Variants in HIPK2 observed in about 807,000 individuals in gnomAD.
HIPK2 encodes the protein homeodomain-interacting protein kinase 2.
HIPK2 carries 27 observed loss-of-function variants against 113.7 expected under a neutral mutation model. The ratio of observed to expected loss-of-function variants is 0.24; its 90% CI spans 0.17 to 0.33. The LOEUF is 0.33. Ranked by LOEUF, HIPK2 falls within the 10% of genes least tolerant of loss-of-function variation. The pLI, the probability that HIPK2 is intolerant of heterozygous loss-of-function variation, is 1.00. For missense variants in HIPK2, 1,257 were observed against 1,588.0 expected, an observed-to-expected ratio of 0.79 and a Z score of 3.54; for synonymous variants, 631 against 642.2, an observed-to-expected ratio of 0.98 and a Z score of 0.26.
At chr7:139,746,484 T>A (rs192488897) in intron 1 of HIPK2, among the ~76,000 whole-genome samples, 17 of 152,368 alleles carry the variant, frequency 1.1e-4, no homozygotes, top group African/African-American at 3.4e-4. Context: ...AGACAGCGAC[T>A]GTGCTGAAGT....
chr7:139,590,870 G>A (rs1304366725), intron 12 of HIPK2, among the ~76,000 whole-genome samples: 2 of 152,012 alleles, frequency 1.3e-5, no homozygotes, highest in East Asian at 3.9e-4. Context: ...TTAGAGACAG[G>A]GTCTCACTCT....
chr7:139,600,799 G>T (rs1799397882), intron 10 of HIPK2, among the ~76,000 whole-genome samples: 1 of 152,198 alleles, frequency 6.6e-6, no homozygotes, highest in Admixed American at 6.5e-5. Context: ...AAACATAACT[G>T]GCTGTGAGTG....
intron 6 of HIPK2, among the ~76,000 whole-genome samples, chr7:139,623,791 C>T (rs1800326695): frequency 6.6e-6 from 1 of 152,152 alleles, no homozygotes. Context: ...CCAGCCCCCT[C>T]TGACTCTGGA....
At chr7:139,673,380 CAGG>C (rs1802374409) in intron 2 of HIPK2, among the ~76,000 whole-genome samples, 1 of 152,212 alleles carries the variant, frequency 6.6e-6, no homozygotes, top group Admixed American at 6.5e-5. Flanking sequence ...CTCTCTCTTA[CAGG>C]AGACCAGCCT....
intron 13 of HIPK2, among the ~76,000 whole-genome samples, chr7:139,580,112 G>A (rs1229047738): frequency 6.6e-6 from 1 of 152,232 alleles, no homozygotes; most frequent in Non-Finnish European, 1.5e-5. Context: ...GCCTTCTGCA[G>A]CCACAATGTG....
intron 1 of HIPK2, among the ~76,000 whole-genome samples, chr7:139,756,771 T>A (rs1796369769): frequency 6.6e-6 from 1 of 152,184 alleles, no homozygotes. Context: ...CAAAATTGAG[T>A]GGAAGGTACA....
intron 1 of HIPK2, among the ~76,000 whole-genome samples, chr7:139,762,167 T>G (rs1335308692): frequency 1.3e-5 from 2 of 152,200 alleles, no homozygotes; most frequent in South Asian, 4.1e-4. Context: ...CATGGAGGAT[T>G]CCTGGAATGA....
intron 1 of HIPK2, among the ~76,000 whole-genome samples, chr7:139,735,450 A>G (rs1473269906): frequency 1.3e-5 from 2 of 152,206 alleles, no homozygotes; most frequent in Admixed American, 1.3e-4. Context: ...ATGGAGTCAA[A>G]TTTCCAAATC....
intron 12 of HIPK2, among the ~76,000 whole-genome samples, chr7:139,590,074 C>T (rs951580988): frequency 5.9e-5 from 9 of 152,190 alleles, no homozygotes; most frequent in Non-Finnish European, 1.2e-4. Context: ...GCACACATTT[C>T]AGATGACTAC....
At chr7:139,599,239 A>AT (rs1158678483) in intron 11 of HIPK2, among the ~76,000 whole-genome samples, 3 of 152,124 alleles carry the variant, frequency 2.0e-5, no homozygotes, top group African/African-American at 7.2e-5. Flanking sequence ...GGAAATCTCC[A>AT]TTTTTTAAAA....
At chr7:139,626,932 C>T in intron 5 of HIPK2, 147 bp from the exon 6 acceptor site, 1 of 812,438 alleles carries the variant, frequency 1.2e-6, no homozygotes, top group Non-Finnish European at 2.0e-6. Context: ...ATGGGAGGCA[C>T]CACCCACATG....
chr7:139,654,012 C>T (rs1255150659), intron 2 of HIPK2, among the ~76,000 whole-genome samples: 5 of 152,140 alleles, frequency 3.3e-5, no homozygotes, highest in Admixed American at 6.5e-5. Flanking sequence ...GGATTATAGG[C>T]GTGAGCCACT....
chr7:139,756,155 T>C (rs1465500744), intron 1 of HIPK2, among the ~76,000 whole-genome samples: 2 of 152,150 alleles, frequency 1.3e-5, no homozygotes, highest in Non-Finnish European at 2.9e-5. Context: ...CAGTCACATA[T>C]TTTGAAAGAA....
chr7:139,729,957 T>G (rs1056990474), intron 1 of HIPK2, among the ~76,000 whole-genome samples: 2 of 152,132 alleles, frequency 1.3e-5, no homozygotes, highest in African/African-American at 2.4e-5. Context: ...TGGTTCAAAA[T>G]CCTCACTGAC....
In HIPK2 at chr7:139,746,374, T is replaced by C. The variant is rs1298065176; in HGVS notation, c.20-29359A>G. On this transcript the variant is annotated intron_variant, in intron 1 of 14. Transcript: ENST00000406875. Reference sequence around the variant, plus strand: ...CACTGGGGACCTCAGGGTTTTCTCTTTGGGCCTAACAGTGCTCATCACGTA... The same window carrying C: ...CACTGGGGACCTCAGGGTTTTCTCTCTGGGCCTAACAGTGCTCATCACGTA... Among the ~76,000 whole-genome samples the C allele has an allele frequency of 3.9e-5, 6 of 152,186 alleles. No individual in the cohort carries two copies. In the East Asian group the frequency reaches 1.2e-3, roughly 29 times the overall value.
chr7:139,563,190 A>G lies in HIPK2; in HGVS notation c.*9737T>C, dbSNP rs1429350946. 1 of 152,444 alleles carries G rather than the reference A, an allele frequency of 6.6e-6. No homozygotes were observed. Among genetic ancestry groups the G allele is most frequent in the African/African-American group, 2.4e-5 (1 of 41,446 alleles). The allele number at this position is 152,444 out of a possible 1,614,324, so 9.4% of individuals were successfully genotyped here. ...TTACAGGAAGCTACCAAGGATGCAC[A>G]TGGTCAAGTCACTTTCTACTTCCCA... is the stretch of plus-strand genomic sequence containing the variant. On this transcript the variant is annotated 3_prime_UTR_variant, in exon 15 of 15. Coordinates refer to ENST00000406875, the MANE Select transcript of HIPK2 (RefSeq NM_022740.5).
In HIPK2 at chr7:139,716,914, T is replaced by C. The variant is rs765254882; in HGVS notation, c.121A>G (p.Met41Val). 1.2e-6 allele frequency: 2 copies of C among 1,613,940 alleles called. No individual in the cohort carries two copies. Among genetic ancestry groups the C allele is most frequent in the East Asian group, 2.2e-5 (1 of 44,868 alleles). Residue 41 changes from methionine (M) to valine (V), a missense_variant, in exon 2 of 15, where the codon ATG (methionine) becomes GTG (valine). By Grantham distance (21) the Met-to-Val change is conservative. Transcript: ENST00000406875. This position sits in a 1 kb window ranked among gnomAD's most constrained non-coding sequence, Gnocchi z 9.3. ...LKIEPSSNWD[M>V]TGYGSHSKVY... The stretch of plus-strand genomic sequence containing the variant: ...TTGCTGTGGGAGCCGTACCCAGTCA[T>C]GTCCCAGTTGGAACTCGGCTCTATT...
At position 139,620,474 on chromosome 7, in the gene HIPK2, G is replaced by A. The variant is rs750450028; in HGVS notation, c.1709C>T (p.Thr570Met). Residue 570 changes from threonine to methionine, a missense_variant, in exon 7 of 15, where the codon ACG becomes ATG. Coordinates refer to ENST00000406875, the MANE Select transcript of HIPK2 (RefSeq NM_022740.5). Reference protein sequence around the residue: ...TVNQSKTPFITHVAPSTSTNL... With the variant: ...TVNQSKTPFIMHVAPSTSTNL... ...GGTGGACGTGCTGGGGGCCACGTGC[G>A]TGATGAAAGGGGTTTTGCTCTGGTT... 2.2e-5 allele frequency: 36 copies of A among 1,613,960 alleles called. No individual in the cohort carries two copies. Among genetic ancestry groups the A allele is most frequent in the African/African-American group, 9.3e-5 (7 of 74,892 alleles).
rs991968042 is a variant in HIPK2 at position 139,631,108 on chromosome 7, G to A, written c.1347+57C>T. 4.1e-5 allele frequency: 64 copies of A among 1,562,132 alleles called. No individual in the cohort carries two copies. In the South Asian group the frequency reaches 4.7e-4, roughly 11 times the overall value. On this transcript the variant is annotated intron_variant, in intron 4 of 14. Transcript: ENST00000406875. The surrounding 1 kb of genome is among the most constrained non-coding windows in gnomAD (Gnocchi z 4.9). The stretch of plus-strand genomic sequence containing the variant: ...AAAAGCTCCCCACTAATGGGTCTAC[G>A]GCCCTCTTCCCTAAGCGCTGGGCCA...
Sources: allele counts gnomAD v4.1 joint callset (sites outside exome capture counted in the v4.1 genomes callset), GRCh38; gene constraint gnomAD v4.1.1; non-coding constraint Gnocchi (gnomAD v3.1); transcripts MANE v1.5; gene names NCBI Gene and HGNC (gene_info 2026-07-23, HGNC 2026-07-21).